Variants in PLEKHA6 observed in about 807,000 individuals in gnomAD.
PLEKHA6 encodes the protein pleckstrin homology domain containing A6, also known as pleckstrin homology domain-containing family A member 6.
PLEKHA6 carries 60 observed loss-of-function variants against 116.7 expected under a neutral mutation model. The observed-to-expected ratio is 0.51, with a 90% confidence interval of 0.42 to 0.64. The LOEUF (loss-of-function observed/expected upper bound fraction) is 0.64, where lower values mean the gene tolerates loss of function less well. Ranked by LOEUF, PLEKHA6 falls within the 30% of genes least tolerant of loss-of-function variation. The probability of loss-of-function intolerance (pLI) is 0.00; values close to 1 mark genes in which losing one functional copy is unlikely to be tolerated. For missense variants in PLEKHA6, 1,338 were observed against 1,422.7 expected, an observed-to-expected ratio of 0.94 and a Z score of 0.96; for synonymous variants, 489 against 556.1, an observed-to-expected ratio of 0.88 and a Z score of 1.70.
chr1:204,344,070 C>T (rs1672941812), intron 1 of PLEKHA6, among the ~76,000 whole-genome samples: 1 of 152,168 alleles, frequency 6.6e-6, no homozygotes. Flanking sequence ...AGGAGGATAG[C>T]TTAAGCCCAG....
At chr1:204,318,349 G>C (rs1671936811) in intron 1 of PLEKHA6, among the ~76,000 whole-genome samples, 1 of 152,184 alleles carries the variant, frequency 6.6e-6, no homozygotes, top group South Asian at 2.1e-4. Context: ...TATTACCCCT[G>C]CTGTACAAGT....
intron 1 of PLEKHA6, among the ~76,000 whole-genome samples, chr1:204,325,457 G>A (rs1011125820): frequency 6.6e-6 from 1 of 152,158 alleles, no homozygotes; most frequent in African/African-American, 2.4e-5. Flanking sequence ...AAGAACTCAC[G>A]TAAATAAATA....
At chr1:204,235,122 G>A (rs780733427) in intron 17 of PLEKHA6, among the ~76,000 whole-genome samples, 3 of 150,406 alleles carry the variant, frequency 2.0e-5, no homozygotes, top group Non-Finnish European at 4.4e-5. Flanking sequence ...ACAGATTTTG[G>A]TATTAAGGAT....
upstream of PLEKHA6, among the ~76,000 whole-genome samples, chr1:204,361,540 C>T (rs536756408): frequency 1.3e-5 from 2 of 152,252 alleles, no homozygotes; most frequent in African/African-American, 2.4e-5. Context: ...GGGCAGCAGG[C>T]GCAGCTCAGC....
At chr1:204,341,880 T>C (rs549368371) in intron 1 of PLEKHA6, among the ~76,000 whole-genome samples, 2 of 152,280 alleles carry the variant, frequency 1.3e-5, no homozygotes, top group South Asian at 2.1e-4. Flanking sequence ...ATAAGTACAA[T>C]CTATATTTTT....
At chr1:204,350,596 C>T (rs115074997) in intron 1 of PLEKHA6, among the ~76,000 whole-genome samples, 81 of 152,294 alleles carry the variant, frequency 5.3e-4, no homozygotes, top group Middle Eastern at 3.4e-3. Flanking sequence ...CCACCGCTGA[C>T]GGTGCCAGGC....
intron 6 of PLEKHA6, among the ~76,000 whole-genome samples, chr1:204,263,839 CAG>C (rs1437035107): frequency 6.6e-6 from 1 of 152,042 alleles, no homozygotes; most frequent in Non-Finnish European, 1.5e-5. Context: ...TCCCTGGAGT[CAG>C]AGCTTTATTA....
At chr1:204,332,582 A>G (rs144118895) in intron 1 of PLEKHA6, among the ~76,000 whole-genome samples, 31 of 152,278 alleles carry the variant, frequency 2.0e-4, no homozygotes, top group African/African-American at 7.5e-4. Flanking sequence ...GGGTTTCACC[A>G]TGTTGGCCAG....
intron 1 of PLEKHA6, among the ~76,000 whole-genome samples, chr1:204,306,263 T>G (rs1383784082): frequency 6.6e-6 from 1 of 152,140 alleles, no homozygotes; most frequent in East Asian, 1.9e-4. Context: ...ACAGGACCAG[T>G]GACTGCTCAG....
intron 13 of PLEKHA6, among the ~76,000 whole-genome samples, chr1:204,246,036 T>C (rs1161406906): frequency 6.6e-6 from 1 of 152,182 alleles, no homozygotes; most frequent in Non-Finnish European, 1.5e-5. Flanking sequence ...TGAATGCCCA[T>C]CTAAGTGAAC....
intron 17 of PLEKHA6, among the ~76,000 whole-genome samples, chr1:204,239,725 C>G (rs1662536766): frequency 6.6e-6 from 1 of 152,190 alleles, no homozygotes; most frequent in Admixed American, 6.5e-5. Context: ...ACAACACCAA[C>G]TAGGTGACAA....
At chr1:204,373,387 G>C (rs1673811688) in intron 1 of PLEKHA6, among the ~76,000 whole-genome samples, 1 of 128,808 alleles carries the variant, frequency 7.8e-6, no homozygotes, top group Admixed American at 7.3e-5. Flanking sequence ...CTGGTCTCTG[G>C]CTATTTTTTT....
intron 1 of PLEKHA6, among the ~76,000 whole-genome samples, chr1:204,310,293 A>C (rs1191442906): frequency 2.6e-5 from 4 of 152,202 alleles, no homozygotes; most frequent in Non-Finnish European, 5.9e-5. Flanking sequence ...AAAAAACAAA[A>C]ATCAATTATG....
chr1:204,330,078 C>A (rs1672393631), intron 1 of PLEKHA6, among the ~76,000 whole-genome samples: 1 of 152,060 alleles, frequency 6.6e-6, no homozygotes, highest in Admixed American at 6.5e-5. Flanking sequence ...AGTAACAGGA[C>A]AGTTGATTAC....
chr1:204,327,820 C>T (rs1364226979), intron 1 of PLEKHA6, among the ~76,000 whole-genome samples: 1 of 152,232 alleles, frequency 6.6e-6, no homozygotes, highest in Non-Finnish European at 1.5e-5. Flanking sequence ...CCTTTCTTCT[C>T]ACTTGCTCCC....
At chr1:204,239,070 A>C (rs186917884) in intron 17 of PLEKHA6, among the ~76,000 whole-genome samples, 1 of 152,374 alleles carries the variant, frequency 6.6e-6, no homozygotes, top group Non-Finnish European at 1.5e-5. Flanking sequence ...GTCAAAAACC[A>C]TGAAGATATT....
At chr1:204,361,567 G>A (rs771542292), upstream of PLEKHA6, among the ~76,000 whole-genome samples, 2 of 152,246 alleles carry the variant, frequency 1.3e-5, no homozygotes, top group Non-Finnish European at 2.9e-5. Flanking sequence ...CTTGGGGAGG[G>A]GGACTCTTGG....
intron 1 of PLEKHA6, chr1:204,325,769 C>T (rs1672220113): frequency 7.5e-6 from 2 of 267,430 alleles, no homozygotes; most frequent in African/African-American, 2.3e-5. Context: ...GTGAACAAAC[C>T]CAGGAGGCCT....
chr1:204,257,020 C>T lies in PLEKHA6; in HGVS notation c.1524+333G>A, dbSNP rs1665401044. On this transcript the variant is annotated intron_variant, in intron 9 of 22. Transcript: ENST00000272203. This position sits in a 1 kb window ranked among gnomAD's most constrained non-coding sequence, Gnocchi z 6.5. ...ATCCCAAACTGAAATGGACAGCAGC[C>T]CCCCTTGCAATGATCTGTCCAGGTC... 1 of 582,308 alleles carries T rather than the reference C, an allele frequency of 1.7e-6. No homozygotes were observed. Among genetic ancestry groups the T allele is most frequent in the South Asian group, 2.2e-5 (1 of 45,332 alleles). 36.1% of individuals were successfully genotyped at this position (582,308 alleles called of 1,614,324 possible). A position where few individuals can be genotyped will look rare whatever the true frequency, so the allele number is the denominator to read the frequency against.
Sources: gnomAD v4.1 joint callset for allele counts (sites outside exome capture counted in the v4.1 genomes callset) on GRCh38, gnomAD v4.1.1 for gene constraint, Gnocchi (gnomAD v3.1) non-coding constraint, MANE v1.5 for transcripts, NCBI Gene and HGNC (gene_info 2026-07-23, HGNC 2026-07-21) for gene names.